MYO15B: variants seen among roughly 807,000 people sequenced by gnomAD.
The protein encoded by MYO15B is myosin XVB.
MYO15B carries 207 observed loss-of-function variants against 119.3 expected under a neutral mutation model. That is an observed-to-expected ratio of 1.73 (90% CI 1.55 to 1.95). MYO15B has a LOEUF of 1.95. MYO15B is among the 30% of genes most tolerant of loss of function. The probability of loss-of-function intolerance (pLI) is 0.00; values close to 1 mark genes in which losing one functional copy is unlikely to be tolerated. For missense variants in MYO15B, 2,264 were observed against 1,203.1 expected (o/e 1.88, Z -13.04); for synonymous variants, 966 against 498.9 (o/e 1.94, Z -12.48).
chr17:75,618,619 C>T (rs1166777006), intron 43 of MYO15B, among the ~76,000 whole-genome samples: 4 of 152,172 alleles, frequency 2.6e-5, no homozygotes, highest in Non-Finnish European at 4.4e-5. Flanking sequence ...ACTGCACTCC[C>T]GCCTGGGTGA....
Position 75,589,710 on chromosome 17 carries a change from C to T in MYO15B, c.1653C>T (p.His551=). 1 of 398,734 alleles carries T rather than the reference C, an allele frequency of 2.5e-6. No individual in the cohort carries two copies. Among genetic ancestry groups the T allele is most frequent in the Non-Finnish European group, 4.4e-6 (1 of 226,026 alleles). 24.7% of individuals were successfully genotyped at this position (398,734 alleles called of 1,614,324 possible). Residue 551 remains histidine (H), a synonymous_variant, in exon 1 of 64, where the codon CAC becomes CAT. Transcript: ENST00000645453. The surrounding 1 kb of genome is among the most constrained non-coding windows in gnomAD (Gnocchi z 4.2). ...TCGCGGTCGTGTTCCCCAGGATCCA[C>T]AGGGCAGGGCGGGCGTCGAGCAGCC...
rs1380705480 is a variant in MYO15B at position 75,592,100 on chromosome 17, G to A, written c.2651+20G>A. Reference sequence around the variant, plus strand: ...ACAGCAGTGAGTGGCAGGGTTGCAGGGGGCACCTACAATCACTTACCCTTC... The same window carrying A: ...ACAGCAGTGAGTGGCAGGGTTGCAGAGGGCACCTACAATCACTTACCCTTC... On this transcript the variant is annotated intron_variant, in intron 6 of 63. Coordinates refer to ENST00000645453, the Ensembl canonical transcript of MYO15B. The A allele has an allele frequency of 4.3e-6, 3 of 702,594 alleles. No individual in the cohort carries two copies. The highest frequency in any genetic ancestry group is 7.8e-6 in the Non-Finnish European group (3 of 384,936). The allele number at this position is 702,594 out of a possible 1,614,324, so 43.5% of individuals were successfully genotyped here. A position where few individuals can be genotyped will look rare whatever the true frequency, so the allele number is the denominator to read the frequency against.
chr17:75,624,450 G>C lies in MYO15B; in HGVS notation c.8445+3G>C, dbSNP rs551466950. 1 of 702,840 alleles carries C rather than the reference G, an allele frequency of 1.4e-6. No individual in the cohort carries two copies. Among genetic ancestry groups the C allele is most frequent in the African/African-American group, 1.7e-5 (1 of 57,376 alleles). The allele number at this position is 702,840 out of a possible 1,614,324, so 43.5% of individuals were successfully genotyped here. A position where few individuals can be genotyped will look rare whatever the true frequency, so the allele number is the denominator to read the frequency against. ...GGACGAATATCCAGACTTTCACAGTGAGCTTGGGGGCCACCAAGGGAGGAG... is the reference window on the plus strand; with the variant it reads ...GGACGAATATCCAGACTTTCACAGTCAGCTTGGGGGCCACCAAGGGAGGAG... On this transcript the variant is annotated splice_donor_region_variant and intron_variant, in intron 57 of 63. Transcript: ENST00000645453.
intron 19 of MYO15B, 119 bp downstream of exon 19, chr17:75,603,431 A>G (rs1483999048): frequency 9.7e-6 from 6 of 618,502 alleles, no homozygotes; most frequent in African/African-American, 1.8e-5. Flanking sequence ...CCTAGCACCC[A>G]ACCCTCCCTC....
At chr17:75,595,732 C>T (rs1345767949) in intron 12 of MYO15B, among the ~76,000 whole-genome samples, 1 of 152,202 alleles carries the variant, frequency 6.6e-6, no homozygotes, top group Non-Finnish European at 1.5e-5. Context: ...CAGGGTGGGC[C>T]CGCCTGTAGC....
intron 14 of MYO15B, among the ~76,000 whole-genome samples, chr17:75,599,677 C>T (rs1026813620): frequency 2.0e-4 from 31 of 151,820 alleles, no homozygotes; most frequent in African/African-American, 5.3e-4. Flanking sequence ...GAGGCTGAGG[C>T]GGGCAGATCA....
At position 75,626,802 on chromosome 17, in the gene MYO15B, A is replaced by G. The variant is rs1208822676; in HGVS notation, c.*318A>G. On this transcript the variant is annotated 3_prime_UTR_variant, in exon 64 of 64. Coordinates refer to ENST00000645453, the Ensembl canonical transcript of MYO15B. ...CCAGGCCCCACATTAGCACAAGCCC[A>G]GGCATGGGAGAAACAGCTGCTGAGG... 3.0e-5 allele frequency: 15 copies of G among 493,230 alleles called. 1 individual carries two copies. The highest frequency in any genetic ancestry group is 5.1e-5 in the Non-Finnish European group (14 of 272,896). 30.6% of individuals were successfully genotyped at this position (493,230 alleles called of 1,614,324 possible).
chr17:75,616,403 G>A, exon 38 of MYO15B: 1 of 624,984 alleles, frequency 1.6e-6, no homozygotes, highest in Non-Finnish European at 2.9e-6. Flanking sequence ...AGGAGGAGGA[G>A]GAGGAGGAGG....
chr17:75,605,220 G>A lies in MYO15B; in HGVS notation c.4017-284G>A, dbSNP rs796827904. On this transcript the variant is annotated intron_variant, in intron 19 of 63. Coordinates refer to ENST00000645453, the Ensembl canonical transcript of MYO15B. The stretch of plus-strand genomic sequence containing the variant: ...TGGGAGGCCGAGGCGGGCAGATCAC[G>A]AGGTCAGGAGATCGAGACCATCCTG... 6.6e-5 allele frequency among the ~76,000 whole-genome samples: 10 copies of A among 151,724 alleles called. 1 individual carries two copies. The highest frequency in any genetic ancestry group is 2.4e-4 in the African/African-American group (10 of 41,388).
In MYO15B at chr17:75,616,455, G is replaced by T; in HGVS notation, c.6244+9G>T. The T allele has an allele frequency of 1.5e-6, 1 of 652,874 alleles. No individual in the cohort carries two copies. Among genetic ancestry groups the T allele is most frequent in the East Asian group, 2.7e-5 (1 of 36,870 alleles). 40.4% of individuals were successfully genotyped at this position (652,874 alleles called of 1,614,324 possible). On this transcript the variant is annotated intron_variant, in intron 38 of 63. Transcript: ENST00000645453. ...AGTGGAAACAAGAGCAGGTTGTGGG[G>T]AGCTGGGCAGGGCCTGGGGCTCCGG...
At chr17:75,601,386 A>G (rs2057273379) in intron 14 of MYO15B, 52 bp from the exon 15 acceptor site, 2 of 696,146 alleles carry the variant, frequency 2.9e-6, no homozygotes, top group South Asian at 1.5e-5. Context: ...GGCGCCATCC[A>G]GAAGGACAGC....
intron 53 of MYO15B, among the ~76,000 whole-genome samples, chr17:75,622,418 T>TG (rs1195805304): frequency 1.3e-5 from 2 of 151,910 alleles, no homozygotes; most frequent in South Asian, 2.1e-4. Context: ...AGTTCAGATG[T>TG]GGGGGGAAGC....
exon 56 of MYO15B, chr17:75,624,266 C>T (rs1428201524): frequency 1.4e-6 from 1 of 702,952 alleles, no homozygotes; most frequent in Admixed American, 2.0e-5. Context: ...TGAAGGCTTT[C>T]CTGGTACTGG....
At chr17:75,614,882 C>A in intron 32 of MYO15B, 33 bp downstream of exon 32, 1 of 702,880 alleles carries the variant, frequency 1.4e-6, no homozygotes, top group Non-Finnish European at 2.6e-6. Flanking sequence ...ATGCCCCTGC[C>A]CCAACCCCCC....
At chr17:75,620,786 C>T (rs754488993) in intron 49 of MYO15B, 150 bp downstream of exon 49, 15 of 701,424 alleles carry the variant, frequency 2.1e-5, no homozygotes, top group African/African-American at 1.0e-4. Context: ...CCTGATGGCT[C>T]GCCTTGTCTC....
chr17:75,601,338 A>T, intron 14 of MYO15B, 100 bp from the exon 15 acceptor site: 1 of 630,150 alleles, frequency 1.6e-6, no homozygotes, highest in South Asian at 1.8e-5. Flanking sequence ...ACCTACCCTT[A>T]TAGTCAGTGT....
rs1486623700 is a variant in MYO15B, at chr17:75,624,648, G to T, written c.8542+9G>T. 1.0e-5 allele frequency: 7 copies of T among 702,852 alleles called. No homozygotes were observed. Among genetic ancestry groups the T allele is most frequent in the African/African-American group, 3.5e-5 (2 of 57,236 alleles). 43.5% of individuals were successfully genotyped at this position (702,852 alleles called of 1,614,324 possible). ...CCTCATCAAAGAGAAGAGTAAGCTTGGGGACGGAGCCTCACGGTGGGGCCA... is the reference window on the plus strand; with the variant it reads ...CCTCATCAAAGAGAAGAGTAAGCTTTGGGACGGAGCCTCACGGTGGGGCCA... On this transcript the variant is annotated intron_variant, in intron 58 of 63. Coordinates refer to ENST00000645453, the Ensembl canonical transcript of MYO15B.
exon 30 of MYO15B, chr17:75,614,296 A>T (rs769056119): frequency 2.6e-5 from 18 of 702,780 alleles, no homozygotes; most frequent in Non-Finnish European, 4.7e-5. Flanking sequence ...GGACCTGATC[A>T]GCCAGACTGA....
chr17:75,595,037 C>T (rs1598725722), intron 12 of MYO15B, 65 bp downstream of exon 12: 1 of 684,850 alleles, frequency 1.5e-6, no homozygotes. Flanking sequence ...TTTCTGGGAC[C>T]CCCACAGCTC....
Sources: allele counts gnomAD v4.1 joint callset (sites outside exome capture counted in the v4.1 genomes callset), GRCh38; gene constraint gnomAD v4.1.1; non-coding constraint Gnocchi (gnomAD v3.1); transcripts MANE v1.5; gene names NCBI Gene and HGNC (gene_info 2026-07-23, HGNC 2026-07-21).